Variants in PACC1 observed in about 807,000 individuals in gnomAD.
PACC1 encodes proton-activated chloride channel.
A neutral mutation model predicts 39.7 loss-of-function variants in PACC1; 34 were observed. The observed-to-expected ratio is 0.86, with a 90% CI of 0.65 to 1.14. The LOEUF (loss-of-function observed/expected upper bound fraction) is 1.14. Among genes scored for constraint, PACC1 ranks in the 50% most tolerant of loss-of-function variants. The probability of loss-of-function intolerance (pLI) is 0.00; values close to 1 mark genes in which losing one functional copy is unlikely to be tolerated. For synonymous variants in PACC1, 127 were observed against 160.6 expected (o/e 0.79, Z 1.58); for missense variants, 379 against 436.4 (o/e 0.87, Z 1.17).
At chr1:212,396,233 T>C (rs1296619768) in intron 2 of PACC1, among the ~76,000 whole-genome samples, 1 of 152,174 alleles carries the variant, frequency 6.6e-6, no homozygotes, top group African/African-American at 2.4e-5. Flanking sequence ...GTGGCACATA[T>C]ACACCATGGC....
In PACC1 at chr1:212,385,265, AG is replaced by A. The variant is rs752545318; in HGVS notation, c.495+8del. 43 of 1,613,680 alleles carry A rather than the reference AG, an allele frequency of 2.7e-5. 1 individual carries two copies. In the African/African-American group the frequency reaches 5.6e-4, roughly 21 times the overall value. On this transcript the variant is annotated splice_region_variant and intron_variant, in intron 4 of 7. Transcript: ENST00000261455. ...CTGCCCAGACCCAGCTCAGGCAGAC[AG>A]GAATTACCACAGTCTGATTGGAGAA...
intron 2 of PACC1, among the ~76,000 whole-genome samples, chr1:212,399,038 C>T (rs113870808): frequency 1.7e-4 from 26 of 152,322 alleles, no homozygotes; most frequent in African/African-American, 6.0e-4. Flanking sequence ...CTCCCATGGT[C>T]CAAATGGGAC....
In PACC1 at chr1:212,377,578, A is replaced by G. The variant is rs1660711421; in HGVS notation, c.767T>C (p.Val256Ala). ...KTKEEDGREA[V>A]EFRQETSVVN... ...GCCACCTACCTCCTGCCGGAACTCC[A>G]CTGCTTCCCGCCCATCCTCCTCCTT... Residue 256 changes from valine (V) to alanine (A), a missense_variant, in exon 6 of 8, where the codon GTG (valine) becomes GCG (alanine). Transcript: ENST00000261455. The G allele has an allele frequency of 1.9e-6, 3 of 1,614,120 alleles. No homozygotes were observed. Among genetic ancestry groups the G allele is most frequent in the Non-Finnish European group, 2.5e-6 (3 of 1,179,984 alleles).
At chr1:212,381,708 C>CACACACACACT (rs1660896632) in intron 4 of PACC1, among the ~76,000 whole-genome samples, 1 of 140,488 alleles carries the variant, frequency 7.1e-6, no homozygotes, top group South Asian at 2.4e-4. Flanking sequence ...CACACACACA[C>CACACACACACT]ACACACACAC....
At chr1:212,413,603 A>ATTTTAAAACTGAG (rs1479340532) in intron 1 of PACC1, among the ~76,000 whole-genome samples, 1 of 152,202 alleles carries the variant, frequency 6.6e-6, no homozygotes, top group Non-Finnish European at 1.5e-5. Context: ...GCAGGAGCAC[A>ATTTTAAAACTGAG]TTTTAAAACT....
rs1379219578 is a variant in PACC1 at position 212,404,328 on chromosome 1, G to T, written c.133+6097C>A. On this transcript the variant is annotated intron_variant, in intron 2 of 7. Transcript: ENST00000261455. The stretch of plus-strand genomic sequence containing the variant: ...TCATCGTGTTAGCCAGGATGGTGTC[G>T]ATCTCCTGACCTCGTGATCCACCCA... Among the ~76,000 whole-genome samples the T allele has an allele frequency of 3.3e-5, 5 of 150,872 alleles. No individual in the cohort carries two copies. In the East Asian group the frequency reaches 9.8e-4, roughly 30 times the overall value.
In PACC1 at chr1:212,386,743, TG is replaced by T; in HGVS notation, c.343+147del. 1.3e-6 allele frequency: 1 copy of T among 752,818 alleles called. No individual in the cohort carries two copies. The highest frequency in any genetic ancestry group is 2.3e-6 in the Non-Finnish European group (1 of 443,894). 46.6% of individuals were successfully genotyped at this position (752,818 alleles called of 1,614,324 possible). On this transcript the variant is annotated intron_variant, in intron 3 of 7. Transcript: ENST00000261455. The surrounding 1 kb of genome is among the most constrained non-coding windows in gnomAD (Gnocchi z 5.0). Reference sequence around the variant, plus strand: ...TAACACACTCCCAACAGCAGCTCCTTGGGCATAGACTCTATACCTAGACTAT... The same window carrying T: ...TAACACACTCCCAACAGCAGCTCCTTGGCATAGACTCTATACCTAGACTAT...
intron 2 of PACC1, among the ~76,000 whole-genome samples, chr1:212,391,579 A>G (rs1661321265): frequency 6.6e-6 from 1 of 152,258 alleles, no homozygotes; most frequent in Non-Finnish European, 1.5e-5. Context: ...GCAACGGAAC[A>G]AAGCTGGACA....
At chr1:212,400,629 A>C (rs971392801) in intron 2 of PACC1, among the ~76,000 whole-genome samples, 3 of 152,192 alleles carry the variant, frequency 2.0e-5, no homozygotes, top group Non-Finnish European at 2.9e-5. Context: ...TAAAAAAAAA[A>C]CAGTGCTGGT....
chr1:212,365,764 A>G (rs1427340617), intron 7 of PACC1, among the ~76,000 whole-genome samples: 2 of 152,224 alleles, frequency 1.3e-5, no homozygotes, highest in East Asian at 3.8e-4. Flanking sequence ...ACTCCTCCCT[A>G]TAATAAAGTG....
At chr1:212,414,532 C>G (rs1662259246) in intron 1 of PACC1, among the ~76,000 whole-genome samples, 190 bp downstream of exon 1, 1 of 152,202 alleles carries the variant, frequency 6.6e-6, no homozygotes, top group African/African-American at 2.4e-5. Flanking sequence ...GCCCGCTCCG[C>G]TGCCCCGCTT....
In PACC1 at chr1:212,412,750, G is replaced by C. The variant is rs145254408; in HGVS notation, c.36+1972C>G. 3.3e-3 allele frequency among the ~76,000 whole-genome samples: 506 copies of C among 152,272 alleles called. 4 individuals are homozygous for C. Among genetic ancestry groups the C allele is most frequent in the Non-Finnish European group, 4.8e-3 (326 of 68,012 alleles). ...TAGGCTGGCTATGTGTGGATGGTGAGGCACATGTTCCTGCTAAGCCAGGAC... is the reference window on the plus strand; with the variant it reads ...TAGGCTGGCTATGTGTGGATGGTGACGCACATGTTCCTGCTAAGCCAGGAC... On this transcript the variant is annotated intron_variant, in intron 1 of 7. Coordinates refer to ENST00000261455, the MANE Select transcript of PACC1 (RefSeq NM_018252.3).
chr1:212,408,351 T>C (rs1449178421), intron 2 of PACC1, among the ~76,000 whole-genome samples: 1 of 151,558 alleles, frequency 6.6e-6, no homozygotes, highest in Non-Finnish European at 1.5e-5. Context: ...AGGCAGTCTT[T>C]TTTTACTTTA....
At position 212,381,770 on chromosome 1, in the gene PACC1, G is replaced by GACACAGTGACACAC. The variant is rs1553281060; in HGVS notation, c.496-1734_496-1733insGTGTGTCACTGTGT. 2.4e-4 allele frequency among the ~76,000 whole-genome samples: 28 copies of GACACAGTGACACAC among 118,136 alleles called. 1 individual carries two copies. Among genetic ancestry groups the GACACAGTGACACAC allele is most frequent in the African/African-American group, 1.0e-3 (28 of 27,764 alleles). The allele number at this position is 118,136 out of a possible 152,430, so 77.5% of individuals were successfully genotyped here. ...AACAATGCCCAGGGGACAGCACAGT[G>GACACAGTGACACAC]ACACACACACACACACACACACACA... On this transcript the variant is annotated intron_variant, in intron 4 of 7. Coordinates refer to ENST00000261455, the MANE Select transcript of PACC1 (RefSeq NM_018252.3).
chr1:212,375,875 A>C (rs1356323845), intron 6 of PACC1, among the ~76,000 whole-genome samples: 2 of 152,070 alleles, frequency 1.3e-5, no homozygotes, highest in Admixed American at 6.6e-5. Flanking sequence ...ACAGAGCAAG[A>C]CTCTGTCTCC....
chr1:212,379,631 G>A (rs1660801295), intron 5 of PACC1, among the ~76,000 whole-genome samples: 1 of 152,212 alleles, frequency 6.6e-6, no homozygotes, highest in African/African-American at 2.4e-5. Context: ...AGGCAATGGT[G>A]AGACCAAATG....
intron 4 of PACC1, among the ~76,000 whole-genome samples, chr1:212,383,360 G>A (rs1159044199): frequency 1.3e-5 from 2 of 152,146 alleles, no homozygotes; most frequent in Non-Finnish European, 2.9e-5. Flanking sequence ...AGGAGAGGAG[G>A]GCATCCAGAG....
chr1:212,410,076 G>C lies in PACC1; in HGVS notation c.133+349C>G, dbSNP rs76029027. ...GCATTACTGGACAGGCCTAGTATCT[G>C]AAAGAGGGGGCCTATTAGATCTTCT... On this transcript the variant is annotated intron_variant, in intron 2 of 7. Transcript: ENST00000261455. 38 of 274,288 alleles carry C rather than the reference G, an allele frequency of 1.4e-4. No individual in the cohort carries two copies. The East Asian group carries it at 2.9e-3, about 21-fold the overall frequency. 17.0% of individuals were successfully genotyped at this position (274,288 alleles called of 1,614,324 possible).
chr1:212,375,929 T>C (rs1660649108), intron 6 of PACC1, among the ~76,000 whole-genome samples: 1 of 152,126 alleles, frequency 6.6e-6, no homozygotes, highest in East Asian at 1.9e-4. Context: ...CAAACTACCA[T>C]GTAAGACTCA....
Sources: gnomAD v4.1 joint callset for allele counts (sites outside exome capture counted in the v4.1 genomes callset) on GRCh38, gnomAD v4.1.1 for gene constraint, Gnocchi (gnomAD v3.1) non-coding constraint, MANE v1.5 for transcripts, NCBI Gene and HGNC (gene_info 2026-07-23, HGNC 2026-07-21) for gene names.